SI: variants seen among roughly 807,000 people sequenced by gnomAD.
SI encodes the protein sucrase-isomaltase, intestinal.
In SI, 235 loss-of-function variants were observed where a neutral mutation model predicts 253.3. That is an observed-to-expected ratio of 0.93 (90% CI 0.83 to 1.03). The LOEUF is 1.03. Among genes scored for constraint, SI ranks in the 50% least tolerant of loss-of-function variants. The probability of loss-of-function intolerance (pLI) is 0.00; values close to 1 mark genes in which losing one functional copy is unlikely to be tolerated. For missense variants in SI, 2,442 were observed against 2,211.1 expected (o/e 1.10, Z -2.09); for synonymous variants, 819 against 712.0 (o/e 1.15, Z -2.39).
In SI at chr3:165,019,779, A is replaced by T; in HGVS notation, c.3255-9T>A. 6.2e-7 allele frequency: 1 copy of T among 1,611,286 alleles called. No individual in the cohort carries two copies. Among genetic ancestry groups the T allele is most frequent in the Middle Eastern group, 1.7e-4 (1 of 6,052 alleles). On this transcript the variant is annotated splice_polypyrimidine_tract_variant and intron_variant, in intron 27 of 47. Transcript: ENST00000264382. ...GCAGCCAAGAATCCCAACTGAAAAC[A>T]AAAGAAAACAAAGCTATGTCTGTCA... is the stretch of plus-strand genomic sequence containing the variant.
At chr3:165,007,619 A>G (rs1234038096) in intron 36 of SI, among the ~76,000 whole-genome samples, 1 of 151,780 alleles carries the variant, frequency 6.6e-6, no homozygotes, top group African/African-American at 2.4e-5. Context: ...ACAAATTTAG[A>G]ATTGTGTTCA....
At chr3:165,044,037 A>C (rs538952559) in intron 16 of SI, among the ~76,000 whole-genome samples, 24 of 152,116 alleles carry the variant, frequency 1.6e-4, no homozygotes, top group African/African-American at 5.3e-4. Context: ...GGAAAGTTCC[A>C]TACCTTACCT....
chr3:165,079,494 A>G (rs1576933109), upstream of SI, among the ~76,000 whole-genome samples: 1 of 151,788 alleles, frequency 6.6e-6, no homozygotes, highest in Non-Finnish European at 1.5e-5. Context: ...GATTGTTGTA[A>G]GACTCAGTAG....
intron 3 of SI, among the ~76,000 whole-genome samples, chr3:165,070,680 G>T (rs892890099): frequency 6.6e-6 from 1 of 151,866 alleles, no homozygotes; most frequent in Non-Finnish European, 1.5e-5. Context: ...TAAGAGGAAA[G>T]AAATAAGCAC....
rs370073842 is a variant in SI at position 165,075,874 on chromosome 3, T to C, written c.118+21A>G. ...TCCTAACTTCACGATAATGTAGCCA[T>C]GCTTTTAATGTACTACTTACCATCA... is the stretch of plus-strand genomic sequence containing the variant. On this transcript the variant is annotated intron_variant, in intron 2 of 47. Transcript: ENST00000264382. 452 of 1,350,458 alleles carry C rather than the reference T, an allele frequency of 3.3e-4. 1 individual carries two copies. The highest frequency in any genetic ancestry group is 4.5e-4 in the Non-Finnish European group (419 of 941,024). 83.7% of individuals were successfully genotyped at this position (1,350,458 alleles called of 1,614,324 possible). A position where few individuals can be genotyped will look rare whatever the true frequency, so the allele number is the denominator to read the frequency against.
chr3:165,051,834 T>A (rs1407326218), intron 13 of SI, among the ~76,000 whole-genome samples: 1 of 151,980 alleles, frequency 6.6e-6, no homozygotes, highest in Admixed American at 6.6e-5. Flanking sequence ...GATGAAAATT[T>A]TTTTTAGAAA....
At position 165,049,871 on chromosome 3, in the gene SI, A is replaced by G; in HGVS notation, c.1517T>C (p.Met506Thr). ...EVQYDGLWID[M>T]NEVSSFIQGS... ...TTGAATAAAGCTGGAAACTTCATTC[A>G]TGTCCTGAATGGATACAAAATGAAG... Residue 506 changes from methionine (M) to threonine (T), a missense_variant, in exon 14 of 48, where the codon ATG becomes ACG. Physicochemically the swap from Met to Thr is moderately conservative, Grantham distance 81. Coordinates refer to ENST00000264382, the MANE Select transcript of SI (RefSeq NM_001041.4). The G allele has an allele frequency of 6.3e-7, 1 of 1,582,764 alleles. No individual in the cohort carries two copies. Among genetic ancestry groups the G allele is most frequent in the Non-Finnish European group, 8.7e-7 (1 of 1,152,158 alleles).
intron 25 of SI, among the ~76,000 whole-genome samples, chr3:165,029,318 C>T (rs1273401656): frequency 6.6e-6 from 1 of 150,524 alleles, no homozygotes; most frequent in African/African-American, 2.4e-5. Flanking sequence ...GGGGACACTT[C>T]TACACTGATA....
rs533223260 is a variant in SI at position 165,073,611 on chromosome 3, T to A, written c.255+920A>T. ...GGAGAAGGTGACATTTGTAATTGCA[T>A]ATCATATTTGCAAATGCAAATATTT... is the stretch of plus-strand genomic sequence containing the variant. On this transcript the variant is annotated intron_variant, in intron 3 of 47. Coordinates refer to ENST00000264382, the MANE Select transcript of SI (RefSeq NM_001041.4). Among the ~76,000 whole-genome samples, 118 of 152,224 alleles carry A rather than the reference T, an allele frequency of 7.8e-4. 1 individual carries two copies. The highest frequency in any genetic ancestry group is 2.8e-3 in the African/African-American group (115 of 41,572).
At chr3:165,088,977 A>G in the SI span, among the ~76,000 whole-genome samples, 16 of 152,148 alleles carry the variant, frequency 1.1e-4, no homozygotes, top group African/African-American at 3.6e-4. Flanking sequence ...AATATTTTTG[A>G]TCATCAACTT....
chr3:164,992,932 TTTG>T (rs1263500252), intron 41 of SI, among the ~76,000 whole-genome samples: 7 of 151,918 alleles, frequency 4.6e-5, no homozygotes, highest in African/African-American at 1.7e-4. Context: ...AGGTTTTTTT[TTTG>T]TTTGTTTTGT....
intron 18 of SI, 33 bp downstream of exon 18, chr3:165,040,907 G>A (rs1712787165): frequency 1.3e-6 from 2 of 1,535,404 alleles, no homozygotes; most frequent in African/African-American, 2.7e-5. Context: ...TACTTTAAAA[G>A]GTATTATTAT....
At chr3:164,990,591 T>C (rs941303615) in intron 44 of SI, among the ~76,000 whole-genome samples, 1 of 152,146 alleles carries the variant, frequency 6.6e-6, no homozygotes, top group African/African-American at 2.4e-5. Context: ...GTTCATATCC[T>C]TTGTAGGGAC....
chr3:165,004,376 T>G (rs747137919), intron 37 of SI, among the ~76,000 whole-genome samples: 3 of 152,134 alleles, frequency 2.0e-5, no homozygotes, highest in Non-Finnish European at 4.4e-5. Flanking sequence ...ACAACCACTA[T>G]GAAGAGCAGT....
chr3:165,042,182 G>A (rs1276610819), intron 17 of SI, among the ~76,000 whole-genome samples: 3 of 152,090 alleles, frequency 2.0e-5, no homozygotes, highest in Non-Finnish European at 4.4e-5. Flanking sequence ...AGAGTGTCAT[G>A]TAATTTCTAT....
At chr3:165,030,062 G>A (rs1258453942) in intron 25 of SI, among the ~76,000 whole-genome samples, 2 of 150,554 alleles carry the variant, frequency 1.3e-5, no homozygotes, top group African/African-American at 2.4e-5. Context: ...GTCTTGACTC[G>A]CCTCAGTGAT....
At chr3:165,067,296 T>C (rs2108096922) in intron 6 of SI, 44 bp downstream of exon 6, 1 of 1,366,472 alleles carries the variant, frequency 7.3e-7, no homozygotes, top group East Asian at 2.5e-5. Flanking sequence ...TCCAATTCTA[T>C]AATAATAGAA....
chr3:165,049,912 A>G (rs780505375), intron 13 of SI, 37 bp from the exon 14 acceptor site: 2 of 1,242,944 alleles, frequency 1.6e-6, no homozygotes, highest in Admixed American at 1.7e-5. Context: ...CAGATTTTAC[A>G]TAATTATAAA....
intron 34 of SI, among the ~76,000 whole-genome samples, chr3:165,010,511 C>T (rs963232170): frequency 1.3e-5 from 2 of 152,106 alleles, no homozygotes; most frequent in African/African-American, 4.8e-5. Context: ...ATCATCTTAC[C>T]TATTAATTAC....
Sources: gnomAD v4.1 joint callset for allele counts (sites outside exome capture counted in the v4.1 genomes callset) on GRCh38, gnomAD v4.1.1 for gene constraint, MANE v1.5 for transcripts, NCBI Gene and HGNC (gene_info 2026-07-23, HGNC 2026-07-21) for gene names.